TNFRSF19: variants seen among roughly 807,000 people sequenced by gnomAD.
TNFRSF19 encodes the protein tumor necrosis factor receptor superfamily member 19.
In TNFRSF19, 27 loss-of-function variants were observed where a neutral mutation model predicts 46.4. The observed-to-expected ratio is 0.58, with a 90% CI of 0.43 to 0.80. The LOEUF (loss-of-function observed/expected upper bound fraction) is 0.80. Ranked by LOEUF, TNFRSF19 falls within the 30% of genes least tolerant of loss-of-function variation. The pLI is 0.00. For synonymous variants in TNFRSF19, 204 were observed against 205.0 expected (o/e 1.00, Z 0.04); for missense variants, 511 against 530.8 (o/e 0.96, Z 0.37).
intron 7 of TNFRSF19, 147 bp downstream of exon 7, chr13:23,660,637 C>A: frequency 3.2e-6 from 3 of 945,604 alleles, no homozygotes; most frequent in South Asian, 5.2e-5. Flanking sequence ...TTATTCTCCA[C>A]CATCTCCTGT....
intron 5 of TNFRSF19, among the ~76,000 whole-genome samples, chr13:23,649,127 G>A (rs1883489926): frequency 6.6e-6 from 1 of 152,004 alleles, no homozygotes; most frequent in Non-Finnish European, 1.5e-5. Context: ...TCATTTTTTG[G>A]GATGAGTTTG....
chr13:23,595,394 C>A (rs936134552), intron 3 of TNFRSF19, among the ~76,000 whole-genome samples: 3 of 152,070 alleles, frequency 2.0e-5, no homozygotes, highest in African/African-American at 7.2e-5. Flanking sequence ...ACTAGAATAA[C>A]CAGTTTAGAG....
chr13:23,652,773 T>TC (rs1883727940), intron 5 of TNFRSF19, among the ~76,000 whole-genome samples: 1 of 152,226 alleles, frequency 6.6e-6, no homozygotes, highest in Admixed American at 6.5e-5. Flanking sequence ...ATTGGACAAG[T>TC]CCCCATTAAG....
intron 5 of TNFRSF19, among the ~76,000 whole-genome samples, chr13:23,641,496 A>G (rs1566205695): frequency 6.6e-6 from 1 of 151,894 alleles, no homozygotes; most frequent in South Asian, 2.1e-4. Context: ...CATCTGGCTA[A>G]TTTTTTGTAT....
Position 23,668,752 on chromosome 13 carries a change from C to G in TNFRSF19, c.900C>G (p.Ile300Met), listed in dbSNP as rs994835695. Residue 300 changes from isoleucine to methionine, a missense_variant, in exon 9 of 10, where the codon ATC becomes ATG. Ile to Met is a conservative substitution (Grantham distance 10). Around this residue, in one of 3 missense-constraint regions of TNFRSF19, gnomAD observed 376 missense variants for 372.7 expected, o/e 1.01. Coordinates refer to ENST00000248484, the MANE Select transcript of TNFRSF19 (RefSeq NM_148957.4). Reference sequence around the variant, plus strand: ...TCTTCGGATCCCTCACGCAGTCCATCTGTGGCGAGTTTTCAGATGCCTGGC... The same window carrying G: ...TCTTCGGATCCCTCACGCAGTCCATGTGTGGCGAGTTTTCAGATGCCTGGC... ...PTFFGSLTQSICGEFSDAWPL... is the reference protein window; with the variant it reads ...PTFFGSLTQSMCGEFSDAWPL... 2 of 1,614,256 alleles carry G rather than the reference C, an allele frequency of 1.2e-6. No homozygotes were observed. The highest frequency in any genetic ancestry group is 3.3e-5 in the Admixed American group (2 of 60,030).
rs570356608 is a variant in TNFRSF19, at chr13:23,582,938, C to A, written c.-34-7212C>A. On this transcript the variant is annotated intron_variant, in intron 1 of 9. Coordinates refer to ENST00000248484, the MANE Select transcript of TNFRSF19 (RefSeq NM_148957.4). ...TTGCTCACTAGTATTCCATTGCATG[C>A]ACCATAACTTGTTTATTTCTTGACT... Among the ~76,000 whole-genome samples, 55 of 152,296 alleles carry A rather than the reference C, an allele frequency of 3.6e-4. 1 individual carries two copies. The South Asian group carries it at 0.011, about 31-fold the overall frequency.
chr13:23,578,417 G>A (rs1239361465), intron 1 of TNFRSF19, among the ~76,000 whole-genome samples: 1 of 152,182 alleles, frequency 6.6e-6, no homozygotes, highest in Non-Finnish European at 1.5e-5. Context: ...CTAGTATAGT[G>A]CTACGCCGTT....
chr13:23,668,658 C>G (rs770576948), intron 8 of TNFRSF19, 34 bp from the exon 9 acceptor site: 15 of 1,571,380 alleles, frequency 9.5e-6, no homozygotes, highest in South Asian at 1.2e-5. Flanking sequence ...TTCTCCCCAT[C>G]AAAAACTTTA....
chr13:23,604,718 C>T (rs900823818), intron 3 of TNFRSF19, among the ~76,000 whole-genome samples: 1 of 152,106 alleles, frequency 6.6e-6, no homozygotes, highest in Non-Finnish European at 1.5e-5. Flanking sequence ...GTCATCTGGT[C>T]TTTGACAAAG....
At chr13:23,669,454 T>TTA (rs1441124324) in intron 9 of TNFRSF19, 6 of 980,854 alleles carry the variant, frequency 6.1e-6, no homozygotes, top group South Asian at 4.7e-5. Flanking sequence ...ATACTTATTA[T>TTA]TATATATATA....
chr13:23,618,118 A>G (rs1258225466), intron 4 of TNFRSF19, among the ~76,000 whole-genome samples: 1 of 152,176 alleles, frequency 6.6e-6, no homozygotes, highest in Non-Finnish European at 1.5e-5. Flanking sequence ...TACAAGCAGC[A>G]AAAGAAAAAA....
intron 1 of TNFRSF19, among the ~76,000 whole-genome samples, chr13:23,578,426 T>A (rs1221290110): frequency 1.3e-5 from 2 of 152,166 alleles, no homozygotes; most frequent in Non-Finnish European, 2.9e-5. Flanking sequence ...TGCTACGCCG[T>A]TGGAAGCCTG....
At chr13:23,650,892 C>T (rs1398567593) in intron 5 of TNFRSF19, among the ~76,000 whole-genome samples, 3 of 152,086 alleles carry the variant, frequency 2.0e-5, no homozygotes, top group Non-Finnish European at 4.4e-5. Context: ...AATGACGAAG[C>T]CTTCTTCTTT....
intron 5 of TNFRSF19, among the ~76,000 whole-genome samples, chr13:23,654,625 C>CA (rs1883862516): frequency 6.6e-6 from 1 of 152,162 alleles, no homozygotes; most frequent in South Asian, 2.1e-4. Context: ...CTTACATAAA[C>CA]AAACATGAGC....
At chr13:23,658,503 G>A (rs1041529485) in intron 5 of TNFRSF19, among the ~76,000 whole-genome samples, 1 of 152,174 alleles carries the variant, frequency 6.6e-6, no homozygotes, top group African/African-American at 2.4e-5. Flanking sequence ...CCAAAACTTA[G>A]ATGTTTTCCA....
In TNFRSF19 at chr13:23,674,712, GTATGTTCGAGGGTAC is replaced by G. The variant is rs1951804483; in HGVS notation, c.*1337_*1351del. 1 of 152,184 alleles carries G rather than the reference GTATGTTCGAGGGTAC, an allele frequency of 6.6e-6. No homozygotes were observed. The highest frequency in any genetic ancestry group is 1.5e-5 in the Non-Finnish European group (1 of 68,032). The allele number at this position is 152,184 out of a possible 1,614,324, so 9.4% of individuals were successfully genotyped here. ...ATATTTTTTAGACTTCTGAACATCA[GTATGTTCGAGGGTAC>G]TATGATATTTTGGTTTGGAATTGCC... is the stretch of plus-strand genomic sequence containing the variant. On this transcript the variant is annotated 3_prime_UTR_variant, in exon 10 of 10. Coordinates refer to ENST00000248484, the MANE Select transcript of TNFRSF19 (RefSeq NM_148957.4).
intron 1 of TNFRSF19, among the ~76,000 whole-genome samples, chr13:23,575,838 G>A (rs1249032819): frequency 6.6e-6 from 1 of 152,130 alleles, no homozygotes; most frequent in African/African-American, 2.4e-5. Context: ...ATTTATCACT[G>A]AAACTATTCT....
intron 1 of TNFRSF19, among the ~76,000 whole-genome samples, chr13:23,587,727 GT>G (rs1454472479): frequency 6.6e-6 from 1 of 152,128 alleles, no homozygotes; most frequent in African/African-American, 2.4e-5. Flanking sequence ...ATTTCCACTG[GT>G]TCTCGTATTT....
chr13:23,638,204 G>A (rs573625258), intron 5 of TNFRSF19, among the ~76,000 whole-genome samples: 1 of 86,956 alleles, frequency 1.2e-5, no homozygotes, highest in Non-Finnish European at 3.1e-5. Flanking sequence ...ACATCCTTGC[G>A]GGTAGGGAAG....
Sources: gnomAD v4.1 joint callset for allele counts (sites outside exome capture counted in the v4.1 genomes callset) on GRCh38, gnomAD v4.1.1 for gene constraint, gnomAD v4.1.1 regional missense constraint, MANE v1.5 for transcripts, NCBI Gene and HGNC (gene_info 2026-07-23, HGNC 2026-07-21) for gene names.